TRPC6: variants seen among roughly 807,000 people sequenced by gnomAD.
The protein encoded by TRPC6 is short transient receptor potential channel 6.
A neutral mutation model predicts 90.7 loss-of-function variants in TRPC6; 55 were observed. The observed-to-expected ratio is 0.61, with a 90% CI of 0.49 to 0.76. TRPC6 has a LOEUF of 0.76. Among genes scored for constraint, TRPC6 ranks in the 30% least tolerant of loss-of-function variants. The pLI is 0.00. For missense variants in TRPC6, 989 were observed against 1,122.7 expected (o/e 0.88, Z 1.70); for synonymous variants, 393 against 393.0 (o/e 1.00, Z 0.00).
chr11:101,467,955 T>C (rs1859191006), intron 10 of TRPC6, among the ~76,000 whole-genome samples: 1 of 152,198 alleles, frequency 6.6e-6, no homozygotes, highest in African/African-American at 2.4e-5. Flanking sequence ...ATTTCCTTTA[T>C]TGGAATCATT....
intron 1 of TRPC6, among the ~76,000 whole-genome samples, chr11:101,514,552 G>T (rs1223540548): frequency 6.6e-6 from 1 of 152,148 alleles, no homozygotes; most frequent in Non-Finnish European, 1.5e-5. Context: ...ACACATAAGA[G>T]TTCCCATCCC....
intron 1 of TRPC6, among the ~76,000 whole-genome samples, chr11:101,540,673 T>G (rs569214461): frequency 6.6e-6 from 1 of 152,336 alleles, no homozygotes; most frequent in South Asian, 2.1e-4. Flanking sequence ...ATAATTTTCA[T>G]GTAAGGAGTC....
At chr11:101,486,193 G>A (rs1859675981) in intron 4 of TRPC6, among the ~76,000 whole-genome samples, 1 of 152,088 alleles carries the variant, frequency 6.6e-6, no homozygotes. Flanking sequence ...TCTTACAAAA[G>A]TTGAGAATTG....
intron 10 of TRPC6, among the ~76,000 whole-genome samples, chr11:101,468,927 G>A (rs1052325553): frequency 7.9e-5 from 12 of 152,124 alleles, no homozygotes; most frequent in East Asian, 7.7e-4. Context: ...CATCCTCATC[G>A]TTGAGGATTT....
intron 3 of TRPC6, among the ~76,000 whole-genome samples, chr11:101,491,221 C>T (rs951762380): frequency 6.6e-6 from 1 of 151,954 alleles, no homozygotes; most frequent in African/African-American, 2.4e-5. Context: ...CCGAGGCGGG[C>T]GGATCACAAG....
In TRPC6 at chr11:101,452,467, CAGCATTCTAAAGAAAGGATTAA is replaced by C. The variant is rs755670431; in HGVS notation, c.*466_*487del. ...ATAAGTAGGGTAAATGGTGTTTAAA[CAGCATTCTAAAGAAAGGATTAA>C]AGCATTCTAAAGGCCCATGGGCTAC... On this transcript the variant is annotated 3_prime_UTR_variant, in exon 13 of 13. Coordinates refer to ENST00000344327, the MANE Select transcript of TRPC6 (RefSeq NM_004621.6). The C allele has an allele frequency of 1.1e-3, 185 of 163,792 alleles. No homozygotes were observed. Among genetic ancestry groups the C allele is most frequent in the Non-Finnish European group, 2.0e-3 (145 of 74,214 alleles). 10.1% of individuals were successfully genotyped at this position (163,792 alleles called of 1,614,324 possible).
Position 101,542,379 on chromosome 11 carries a change from C to T in TRPC6, c.171-37581G>A, listed in dbSNP as rs570577121. ...AAAGATAGTTCCCTTAAGTAAAAAT[C>T]TAAAATACATCTTTCTGGGACAGAT... On this transcript the variant is annotated intron_variant, in intron 1 of 12. Coordinates refer to ENST00000344327, the MANE Select transcript of TRPC6 (RefSeq NM_004621.6). 2.0e-5 allele frequency among the ~76,000 whole-genome samples: 3 copies of T among 152,296 alleles called. No individual in the cohort carries two copies. In the South Asian group the frequency reaches 6.2e-4, roughly 32 times the overall value.
intron 4 of TRPC6, among the ~76,000 whole-genome samples, chr11:101,485,126 TACACACACAC>T (rs10639907): frequency 1.3e-3 from 181 of 143,950 alleles, no homozygotes; most frequent in African/African-American, 3.9e-3. Context: ...GGCCAAAGAA[TACACACACAC>T]ACACACACAC....
At position 101,452,524 on chromosome 11, in the gene TRPC6, A is replaced by C. The variant is rs1591517528; in HGVS notation, c.*431T>G. On this transcript the variant is annotated 3_prime_UTR_variant, in exon 13 of 13. Transcript: ENST00000344327. The stretch of plus-strand genomic sequence containing the variant: ...AAGGCCCATGGGCTACTTTTTCCCA[A>C]ATTTCAGAGCTGGGAGTCCCCAGCA... 5.5e-6 allele frequency: 1 copy of C among 180,318 alleles called. No homozygotes were observed. Among genetic ancestry groups the C allele is most frequent in the Admixed American group, 5.4e-5 (1 of 18,538 alleles). 11.2% of individuals were successfully genotyped at this position (180,318 alleles called of 1,614,324 possible).
At chr11:101,505,278 G>T (rs1284329174) in intron 1 of TRPC6, among the ~76,000 whole-genome samples, 2 of 152,172 alleles carry the variant, frequency 1.3e-5, no homozygotes, top group African/African-American at 4.8e-5. Flanking sequence ...AAGGCCAATA[G>T]TGAAAAAACA....
chr11:101,479,894 G>A (rs539340156), intron 5 of TRPC6, among the ~76,000 whole-genome samples: 6 of 152,296 alleles, frequency 3.9e-5, no homozygotes, highest in African/African-American at 1.2e-4. Context: ...ATAAAACTGA[G>A]ACGGCTGGGC....
chr11:101,493,832 T>A (rs1859882969), intron 2 of TRPC6, among the ~76,000 whole-genome samples: 1 of 152,212 alleles, frequency 6.6e-6, no homozygotes, highest in South Asian at 2.1e-4. Flanking sequence ...ATGTGGGGGG[T>A]GTCTGTATGG....
intron 1 of TRPC6, among the ~76,000 whole-genome samples, chr11:101,569,158 A>G (rs990182551): frequency 7.9e-5 from 12 of 151,586 alleles, no homozygotes; most frequent in Non-Finnish European, 1.2e-4. Context: ...AAATAAAGGG[A>G]TGGAGGAATA....
At chr11:101,512,424 TTAGAA>T (rs1457541277) in intron 1 of TRPC6, among the ~76,000 whole-genome samples, 9 of 152,202 alleles carry the variant, frequency 5.9e-5, no homozygotes, top group African/African-American at 2.2e-4. Flanking sequence ...TTTGTGTAAA[TTAGAA>T]CTCAAACTGT....
chr11:101,476,780 C>CAATT (rs1321720842), intron 5 of TRPC6, among the ~76,000 whole-genome samples: 1 of 152,138 alleles, frequency 6.6e-6, no homozygotes, highest in Admixed American at 6.5e-5. Context: ...TCCTGCTGAT[C>CAATT]AATTAATTCC....
At chr11:101,526,326 C>T (rs936017328) in intron 1 of TRPC6, among the ~76,000 whole-genome samples, 1 of 152,160 alleles carries the variant, frequency 6.6e-6, no homozygotes, top group Non-Finnish European at 1.5e-5. Flanking sequence ...ACATGCTGAA[C>T]ATTAAGTTAA....
chr11:101,462,672 G>A (rs542635326), intron 10 of TRPC6, among the ~76,000 whole-genome samples: 9 of 152,150 alleles, frequency 5.9e-5, no homozygotes, highest in African/African-American at 1.7e-4. Context: ...CTGAGACTTC[G>A]CTGAAGTTGC....
intron 1 of TRPC6, among the ~76,000 whole-genome samples, chr11:101,567,370 G>C (rs73584487): frequency 0.029 from 4,327 of 151,056 alleles, 117 homozygotes; most frequent in African/African-American, 0.068. Context: ...AGCAGCCCTA[G>C]TCAGGAACTT....
chr11:101,576,713 A>T (rs1252981734), intron 1 of TRPC6, among the ~76,000 whole-genome samples: 1 of 152,172 alleles, frequency 6.6e-6, no homozygotes, highest in East Asian at 1.9e-4. Flanking sequence ...ACTCAAGAAA[A>T]TGTTTTCCTT....
Sources: gnomAD v4.1 joint callset for allele counts (sites outside exome capture counted in the v4.1 genomes callset) on GRCh38, gnomAD v4.1.1 for gene constraint, MANE v1.5 for transcripts, NCBI Gene and HGNC (gene_info 2026-07-23, HGNC 2026-07-21) for gene names.